The following DPPA2 variants were observed in gnomAD, a reference collection of about 807,000 sequenced individuals.
The protein encoded by DPPA2 is developmental pluripotency associated 2.
A neutral mutation model predicts 36.2 loss-of-function variants in DPPA2; 26 were observed. The ratio of observed to expected loss-of-function variants is 0.72; its 90% confidence interval spans 0.53 to 1.00. DPPA2 has a LOEUF of 1.00. Among genes scored for constraint, DPPA2 ranks in the 50% least tolerant of loss-of-function variants. The pLI is 0.00. For missense variants in DPPA2, 361 were observed against 365.1 expected (o/e 0.99, Z 0.09); for synonymous variants, 113 against 123.2 (o/e 0.92, Z 0.55).
intron 8 of DPPA2, among the ~76,000 whole-genome samples, chr3:109,296,608 G>A (rs1023772518): frequency 6.6e-6 from 1 of 152,084 alleles, no homozygotes; most frequent in African/African-American, 2.4e-5. Context: ...CCAGGAGGTG[G>A]AGGTTGCAGA....
At chr3:109,314,455 G>A in intron 2 of DPPA2, 55 bp downstream of exon 2, 1 of 1,584,236 alleles carries the variant, frequency 6.3e-7, no homozygotes, top group South Asian at 1.1e-5. Context: ...GGGAGACCTA[G>A]AAAGACTCTG....
At chr3:109,298,713 C>CTAAAAA (rs1553693064) in intron 8 of DPPA2, among the ~76,000 whole-genome samples, 1 of 81,518 alleles carries the variant, frequency 1.2e-5, no homozygotes, top group Non-Finnish European at 2.7e-5. Context: ...ATGATTCTGT[C>CTAAAAA]TAAAAATAAT....
rs952540952 is a variant in DPPA2, at chr3:109,304,374, C to T, written c.854+101G>A. On this transcript the variant is annotated intron_variant, in intron 7 of 8. Coordinates refer to ENST00000478945, the MANE Select transcript of DPPA2 (RefSeq NM_138815.4). ...TGATCTATGTGGCAAATTAAGAAGA[C>T]AGCATGTTCGCCCTCTGCTTTCTAC... 11 of 1,232,478 alleles carry T rather than the reference C, an allele frequency of 8.9e-6. No individual in the cohort carries two copies. In the Admixed American group the frequency reaches 2.6e-4, roughly 30 times the overall value. The allele number at this position is 1,232,478 out of a possible 1,614,324, so 76.3% of individuals were successfully genotyped here. A position where few individuals can be genotyped will look rare whatever the true frequency, so the allele number is the denominator to read the frequency against.
At position 109,308,104 on chromosome 3, in the gene DPPA2, C is replaced by T. The variant is rs1251086825; in HGVS notation, c.586G>A (p.Ala196Thr). 2 of 1,614,220 alleles carry T rather than the reference C, an allele frequency of 1.2e-6. No individual in the cohort carries two copies. Among genetic ancestry groups the T allele is most frequent in the Admixed American group, 3.3e-5 (2 of 60,024 alleles). Residue 196 changes from alanine to threonine, a missense_variant, in exon 6 of 9, where the codon GCT (alanine) becomes ACT (threonine). Ala to Thr is a moderately conservative substitution (Grantham distance 58, BLOSUM62 0). Coordinates refer to ENST00000478945, the MANE Select transcript of DPPA2 (RefSeq NM_138815.4). ...GAATTCAAAGCCTTAGGCTGAACAG[C>T]TCTTGCAGCAATTCTTGCCCATGAT... is the stretch of plus-strand genomic sequence containing the variant. Reference protein sequence around the residue: ...LASWARIAARAVQPKALNSCS... With the variant: ...LASWARIAARTVQPKALNSCS...
chr3:109,296,795 A>C (rs1201031262), intron 8 of DPPA2, among the ~76,000 whole-genome samples: 1 of 152,168 alleles, frequency 6.6e-6, no homozygotes, highest in Non-Finnish European at 1.5e-5. Context: ...CAATAATAAA[A>C]CAACCCAATT....
intron 3 of DPPA2, among the ~76,000 whole-genome samples, chr3:109,310,515 T>G (rs1281713813): frequency 1.3e-5 from 2 of 149,870 alleles, no homozygotes; most frequent in African/African-American, 2.4e-5. Flanking sequence ...TTTTTTGTTG[T>G]TTTTTTTTGA....
At chr3:109,307,310 C>T (rs889660209) in intron 6 of DPPA2, among the ~76,000 whole-genome samples, 6 of 151,496 alleles carry the variant, frequency 4.0e-5, no homozygotes, top group African/African-American at 1.5e-4. Flanking sequence ...TTTTATATAA[C>T]AGGATACTTG....
At chr3:109,306,967 C>T (rs938747281) in intron 6 of DPPA2, among the ~76,000 whole-genome samples, 3 of 151,368 alleles carry the variant, frequency 2.0e-5, no homozygotes, top group Non-Finnish European at 4.4e-5. Flanking sequence ...CCACTGTGCC[C>T]GGCCAAGATT....
intron 6 of DPPA2, among the ~76,000 whole-genome samples, chr3:109,305,851 CT>C (rs1224111035): frequency 1.3e-5 from 2 of 151,216 alleles, no homozygotes; most frequent in East Asian, 3.9e-4. Context: ...AAGCAGTACT[CT>C]TATGGAACGT....
chr3:109,315,816 T>C (rs1442941419), intron 1 of DPPA2, among the ~76,000 whole-genome samples: 1 of 151,926 alleles, frequency 6.6e-6, no homozygotes, highest in Non-Finnish European at 1.5e-5. Context: ...ACCACTTGAG[T>C]CCAGAAGTTC....
chr3:109,304,885 G>A (rs759777901), intron 6 of DPPA2, among the ~76,000 whole-genome samples: 6 of 152,162 alleles, frequency 3.9e-5, no homozygotes, highest in Admixed American at 6.6e-5. Context: ...GGTGGCTCAC[G>A]CCTGTAATCC....
rs140046049 is a variant in DPPA2 at position 109,309,920 on chromosome 3, A to G, written c.182-590T>C. 5.1e-4 allele frequency among the ~76,000 whole-genome samples: 78 copies of G among 151,700 alleles called. 1 individual carries two copies. The East Asian group carries it at 0.014, about 27-fold the overall frequency. Reference sequence around the variant, plus strand: ...AACATGGTAAAACCCCGTCTCTACTAAAAATAGAAAAATTACCTGGGCATA... The same window carrying G: ...AACATGGTAAAACCCCGTCTCTACTGAAAATAGAAAAATTACCTGGGCATA... On this transcript the variant is annotated intron_variant, in intron 3 of 8. Transcript: ENST00000478945.
chr3:109,301,759 G>C (rs1475818503), intron 7 of DPPA2, among the ~76,000 whole-genome samples: 2 of 152,108 alleles, frequency 1.3e-5, no homozygotes, highest in Admixed American at 1.3e-4. Context: ...GAAAGAAAAA[G>C]ACAGAGAGAG....
chr3:109,295,542 G>C (rs999394909), intron 8 of DPPA2: 2 of 151,284 alleles, frequency 1.3e-5, no homozygotes, highest in Non-Finnish European at 2.9e-5. Context: ...CATCATGCCA[G>C]GCCCCTGGTT....
At chr3:109,299,787 G>A (rs1269256566) in intron 8 of DPPA2, among the ~76,000 whole-genome samples, 5 of 147,186 alleles carry the variant, frequency 3.4e-5, no homozygotes, top group Admixed American at 3.4e-4. Flanking sequence ...TGTTGCCCAG[G>A]CTGGAGTGCA....
At chr3:109,298,674 G>A (rs992579589) in intron 8 of DPPA2, among the ~76,000 whole-genome samples, 20 of 149,268 alleles carry the variant, frequency 1.3e-4, no homozygotes, top group Admixed American at 2.7e-4. Context: ...TGAGATCGGC[G>A]TCACTGCACT....
At chr3:109,307,859 A>T (rs1468082355) in intron 6 of DPPA2, among the ~76,000 whole-genome samples, 173 bp downstream of exon 6, 1 of 152,218 alleles carries the variant, frequency 6.6e-6, no homozygotes, top group Non-Finnish European at 1.5e-5. Context: ...ATCCAGACAC[A>T]ACATGACTAT....
rs1707614410 is a variant in DPPA2 at position 109,308,182 on chromosome 3, C to T, written c.508G>A (p.Glu170Lys). The change falls in exon 6 of 9, where the codon GAA (glutamate) becomes AAA (lysine). Residue 170 changes from glutamate to lysine, a missense_variant. By Grantham distance (56) the Glu-to-Lys change is moderately conservative. Transcript: ENST00000478945. ...QRSYEMNERAEETNTVEVITS... is the reference protein window; with the variant it reads ...QRSYEMNERAKETNTVEVITS... ...ATCACTTCAACTGTATTGGTCTCTTCTGCTCTCTCATTCATCTCATAACTT... is the reference window on the plus strand; with the variant it reads ...ATCACTTCAACTGTATTGGTCTCTTTTGCTCTCTCATTCATCTCATAACTT... 6.2e-7 allele frequency: 1 copy of T among 1,614,222 alleles called. No homozygotes were observed. Among genetic ancestry groups the T allele is most frequent in the Non-Finnish European group, 8.5e-7 (1 of 1,180,042 alleles).
chr3:109,304,350 G>T (rs1239764948), intron 7 of DPPA2, 125 bp downstream of exon 7: 1 of 983,524 alleles, frequency 1.0e-6, no homozygotes. Context: ...ATTTTTGCCT[G>T]ATCTATGTGG....
Sources: gnomAD v4.1 joint callset for allele counts (sites outside exome capture counted in the v4.1 genomes callset) on GRCh38, gnomAD v4.1.1 for gene constraint, MANE v1.5 for transcripts, NCBI Gene and HGNC (gene_info 2026-07-23, HGNC 2026-07-21) for gene names.